The following C1orf87 variants were observed in gnomAD, a reference collection of about 807,000 sequenced individuals.
C1orf87 encodes the protein chromosome 1 open reading frame 87.
C1orf87 carries 58 observed loss-of-function variants against 60.5 expected under a neutral mutation model. The ratio of observed to expected loss-of-function variants is 0.96; its 90% CI spans 0.78 to 1.19. The LOEUF (loss-of-function observed/expected upper bound fraction) is 1.19. Ranked by LOEUF, C1orf87 falls within the 50% of genes most tolerant of loss-of-function variation. The pLI is 0.00. For missense variants in C1orf87, 673 were observed against 638.6 expected (o/e 1.05, Z -0.58); for synonymous variants, 236 against 227.4 (o/e 1.04, Z -0.34).
intron 3 of C1orf87, among the ~76,000 whole-genome samples, chr1:60,043,294 A>T (rs1645340138): frequency 6.6e-6 from 1 of 151,944 alleles, no homozygotes; most frequent in African/African-American, 2.4e-5. Flanking sequence ...TGTCCAAAAC[A>T]CTCCCTAGTA....
At chr1:60,033,987 G>T (rs1299310212) in intron 6 of C1orf87, among the ~76,000 whole-genome samples, 1 of 152,074 alleles carries the variant, frequency 6.6e-6, no homozygotes, top group African/African-American at 2.4e-5. Flanking sequence ...TTATCTGCTT[G>T]ATTTTACTTT....
intron 2 of C1orf87, among the ~76,000 whole-genome samples, chr1:60,058,243 G>A (rs1421196126): frequency 1.3e-5 from 2 of 152,162 alleles, no homozygotes; most frequent in East Asian, 1.9e-4. Flanking sequence ...GCATAACGGG[G>A]TTTCTGGGAT....
intron 9 of C1orf87, among the ~76,000 whole-genome samples, 157 bp from the exon 10 acceptor site, chr1:60,001,313 T>A (rs1417386086): frequency 6.6e-6 from 1 of 151,868 alleles, no homozygotes; most frequent in Non-Finnish European, 1.5e-5. Flanking sequence ...CTCTGATGAG[T>A]GAGAAAAACC....
chr1:60,047,389 G>T lies in C1orf87; in HGVS notation c.343-6258C>A, dbSNP rs139690726. 1.3e-3 allele frequency among the ~76,000 whole-genome samples: 203 copies of T among 151,930 alleles called. 1 individual carries two copies. The highest frequency in any genetic ancestry group is 4.7e-3 in the African/African-American group (195 of 41,428). ...TTTTTATTGATGCCCAAATTATGTC[G>T]CTTTCAACTGTGGGAAACTCTTTAA... is the stretch of plus-strand genomic sequence containing the variant. On this transcript the variant is annotated intron_variant, in intron 3 of 11. Transcript: ENST00000371201.
rs1203096029 is a variant in C1orf87 at position 60,010,452 on chromosome 1, G to C, written c.1132C>G (p.Gln378Glu). 6.2e-7 allele frequency: 1 copy of C among 1,612,068 alleles called. No individual in the cohort carries two copies. The highest frequency in any genetic ancestry group is 1.7e-5 in the Admixed American group (1 of 59,848). ...DLGYQNEIKW[Q>E]NFVEMLTRAS... ...CTGGTCAGCATCTCAACAAAATTCT[G>C]CCATCTGTGCAAGAAAAGGAAACAT... Residue 378 changes from glutamine (Q) to glutamate (E), a missense_variant, in exon 9 of 12, where the codon CAG becomes GAG. Transcript: ENST00000371201.
chr1:60,013,075 G>GT (rs1428535656), intron 8 of C1orf87, among the ~76,000 whole-genome samples: 7 of 151,932 alleles, frequency 4.6e-5, no homozygotes, highest in Non-Finnish European at 1.0e-4. Context: ...AATTGCCTTT[G>GT]TCTTTATAAT....
At chr1:60,065,002 T>TTAAATATATATATTTAATATATA (rs1553130052) in intron 2 of C1orf87, among the ~76,000 whole-genome samples, 17 of 52,974 alleles carry the variant, frequency 3.2e-4, no homozygotes, top group East Asian at 1.8e-3. Context: ...CATATAAATA[T>TTAAATATATATATTTAATATATA]TAAATATATA....
At chr1:60,045,906 A>T (rs1411513623) in intron 3 of C1orf87, among the ~76,000 whole-genome samples, 1 of 152,224 alleles carries the variant, frequency 6.6e-6, no homozygotes, top group Non-Finnish European at 1.5e-5. Context: ...TATAACACTT[A>T]AAAATTCCTT....
At chr1:60,040,943 C>G (rs746117611) in intron 4 of C1orf87, 48 bp downstream of exon 4, 2 of 1,514,782 alleles carry the variant, frequency 1.3e-6, no homozygotes, top group African/African-American at 2.8e-5. Context: ...GTCAACAACA[C>G]TCCTTCATCT....
At chr1:60,041,923 A>G (rs1645328052) in intron 3 of C1orf87, among the ~76,000 whole-genome samples, 2 of 152,146 alleles carry the variant, frequency 1.3e-5, no homozygotes, top group Admixed American at 1.3e-4. Flanking sequence ...AGGGATAGTC[A>G]CTATGCCCCA....
At chr1:60,067,714 T>C (rs1199548) in intron 2 of C1orf87, among the ~76,000 whole-genome samples, 59,860 of 151,670 alleles carry the variant, frequency 0.39, 12,337 homozygotes, top group South Asian at 0.48. Context: ...TGTGCAGAAG[T>C]TCTTTAATTT....
intron 7 of C1orf87, among the ~76,000 whole-genome samples, chr1:60,028,836 T>G (rs1466681773): frequency 6.6e-6 from 1 of 152,146 alleles, no homozygotes; most frequent in Non-Finnish European, 1.5e-5. Flanking sequence ...CTCTTTGTTT[T>G]TTGCTTTTTT....
Position 60,064,868 on chromosome 1 carries a change from A to G in C1orf87, c.107+7669T>C, listed in dbSNP as rs1258469806. On this transcript the variant is annotated intron_variant, in intron 2 of 11. Transcript: ENST00000371201. ...TATATTTATATATTTATTATATATA[A>G]ATATATATTTGTTCTAAATAAATAT... 5.4e-5 allele frequency among the ~76,000 whole-genome samples: 5 copies of G among 92,490 alleles called. No homozygotes were observed. The East Asian group carries it at 1.4e-3, about 26-fold the overall frequency. The allele number at this position is 92,490 out of a possible 152,430, so 60.7% of individuals were successfully genotyped here.
intron 2 of C1orf87, among the ~76,000 whole-genome samples, chr1:60,063,990 A>G (rs1043294928): frequency 6.6e-6 from 1 of 152,006 alleles, no homozygotes; most frequent in Admixed American, 6.6e-5. Flanking sequence ...CCCACCCTCA[A>G]TCTGGGTGGC....
chr1:60,044,442 C>T (rs1645351510), intron 3 of C1orf87, among the ~76,000 whole-genome samples: 1 of 152,102 alleles, frequency 6.6e-6, no homozygotes, highest in African/African-American at 2.4e-5. Flanking sequence ...ATTCTAAAAC[C>T]TTATGATATA....
intron 9 of C1orf87, chr1:60,008,663 C>A (rs1287395435): frequency 2.2e-6 from 1 of 455,430 alleles, no homozygotes; most frequent in South Asian, 1.6e-5. Flanking sequence ...ATCAGAAGAG[C>A]TACTGCTATA....
At chr1:60,029,634 C>T (rs1026846600) in intron 7 of C1orf87, among the ~76,000 whole-genome samples, 2 of 105,554 alleles carry the variant, frequency 1.9e-5, no homozygotes, top group East Asian at 2.8e-4. Context: ...CCTGTCCCCC[C>T]AAGTTTTTTT....
chr1:59,994,703 A>T (rs537186412), intron 11 of C1orf87, among the ~76,000 whole-genome samples: 6 of 152,252 alleles, frequency 3.9e-5, no homozygotes, highest in Non-Finnish European at 8.8e-5. Context: ...TATTTTGTTG[A>T]CAACCCCCAT....
chr1:60,024,017 C>T (rs1480339742), intron 8 of C1orf87, among the ~76,000 whole-genome samples: 2 of 151,946 alleles, frequency 1.3e-5, no homozygotes, highest in African/African-American at 4.8e-5. Flanking sequence ...ATGTTCATGC[C>T]TTCTTGAACA....
Sources: allele counts gnomAD v4.1 joint callset (sites outside exome capture counted in the v4.1 genomes callset), GRCh38; gene constraint gnomAD v4.1.1; transcripts MANE v1.5; gene names NCBI Gene and HGNC (gene_info 2026-07-23, HGNC 2026-07-21).